Variants in HECW1 observed in about 807,000 individuals in gnomAD.
The protein encoded by HECW1 is HECT, C2 and WW domain containing E3 ubiquitin protein ligase 1.
Under a neutral mutation model 182.3 loss-of-function variants are expected in HECW1, and 61 were observed. The observed-to-expected ratio is 0.33, with a 90% CI of 0.27 to 0.41. The LOEUF (loss-of-function observed/expected upper bound fraction) is 0.41. Among genes scored for constraint, HECW1 ranks in the 10% least tolerant of loss-of-function variants. The pLI, the probability that HECW1 is intolerant of heterozygous loss-of-function variation, is 1.00. For missense variants in HECW1, 1,739 were observed against 2,108.9 expected, an observed-to-expected ratio of 0.82 and a Z score of 3.44; for synonymous variants, 859 against 832.6, an observed-to-expected ratio of 1.03 and a Z score of -0.55.
intron 16 of HECW1, among the ~76,000 whole-genome samples, chr7:43,475,261 C>A (rs1389956134): frequency 6.6e-6 from 1 of 152,122 alleles, no homozygotes; most frequent in Non-Finnish European, 1.5e-5. Context: ...AGAATATAGC[C>A]AGGTCACATC....
At chr7:43,501,845 A>G (rs967476658) in intron 21 of HECW1, among the ~76,000 whole-genome samples, 1 of 151,908 alleles carries the variant, frequency 6.6e-6, no homozygotes, top group Non-Finnish European at 1.5e-5. Context: ...AAAATAAAAA[A>G]GAAAGAAAGA....
intron 2 of HECW1, among the ~76,000 whole-genome samples, chr7:43,201,635 T>C (rs1486277544): frequency 6.6e-6 from 1 of 152,192 alleles, no homozygotes; most frequent in Non-Finnish European, 1.5e-5. Flanking sequence ...CAATTCCACT[T>C]TCCAAGTCTT....
intron 3 of HECW1, among the ~76,000 whole-genome samples, chr7:43,285,271 C>T (rs1255007727): frequency 2.6e-5 from 4 of 152,108 alleles, no homozygotes; most frequent in Admixed American, 6.5e-5. Context: ...TCTGAAAAAC[C>T]GTGATACTCA....
chr7:43,464,294 C>T (rs1305268760), intron 14 of HECW1, among the ~76,000 whole-genome samples: 5 of 152,136 alleles, frequency 3.3e-5, no homozygotes, highest in Non-Finnish European at 7.4e-5. Flanking sequence ...TAGGAATAAT[C>T]ACTTGTTTGT....
intron 24 of HECW1, among the ~76,000 whole-genome samples, chr7:43,537,833 C>T (rs1488830124): frequency 3.9e-5 from 6 of 152,108 alleles, no homozygotes; most frequent in Admixed American, 2.6e-4. Context: ...CATGTCAGTC[C>T]GAGAAACCAG....
intron 5 of HECW1, among the ~76,000 whole-genome samples, chr7:43,327,349 C>A (rs1018151156): frequency 1.3e-5 from 2 of 152,194 alleles, no homozygotes; most frequent in South Asian, 2.1e-4. Flanking sequence ...AGACTCCCCC[C>A]ACCGCTGCCC....
intron 29 of HECW1, among the ~76,000 whole-genome samples, chr7:43,560,514 G>A (rs2082174971): frequency 6.6e-6 from 1 of 152,006 alleles, no homozygotes; most frequent in East Asian, 1.9e-4. Flanking sequence ...GAGGAGGAAT[G>A]GGTGCTGGGC....
intron 2 of HECW1, among the ~76,000 whole-genome samples, chr7:43,215,678 CA>C (rs1346942179): frequency 2.0e-5 from 3 of 152,164 alleles, no homozygotes; most frequent in Admixed American, 1.3e-4. Flanking sequence ...CTTGTATAAT[CA>C]ATTTTTGGTA....
intron 3 of HECW1, among the ~76,000 whole-genome samples, chr7:43,262,247 CGT>C (rs10695541): frequency 1.0e-4 from 15 of 149,488 alleles, no homozygotes; most frequent in South Asian, 2.1e-4. Flanking sequence ...TGTATGTGTG[CGT>C]GTGTGTGTGT....
chr7:43,303,342 C>G (rs1435864351), intron 3 of HECW1, among the ~76,000 whole-genome samples: 1 of 130,472 alleles, frequency 7.7e-6, no homozygotes, highest in Non-Finnish European at 1.6e-5. Flanking sequence ...CACCCCCCGC[C>G]CCCCAACACC....
chr7:43,493,018 C>T (rs949448676), intron 18 of HECW1, 66 bp from the exon 19 acceptor site: 2 of 1,073,592 alleles, frequency 1.9e-6, no homozygotes, highest in South Asian at 1.5e-5. Context: ...CAGCCATTTT[C>T]CAATCATCAG....
chr7:43,203,491 G>T (rs1476407035), intron 2 of HECW1, among the ~76,000 whole-genome samples: 1 of 151,844 alleles, frequency 6.6e-6, no homozygotes, highest in African/African-American at 2.4e-5. Flanking sequence ...CTTGCTTGTT[G>T]CCCAGGCTGG....
At chr7:43,396,793 C>G in intron 6 of HECW1, 21 bp from the exon 7 acceptor site, 1 of 1,562,462 alleles carries the variant, frequency 6.4e-7, no homozygotes, top group South Asian at 1.1e-5. Flanking sequence ...TGTTTGTCTC[C>G]CATTTTCCTT....
rs756356851 is a variant in HECW1 at position 43,445,376 on chromosome 7, C to T, written c.2204C>T (p.Ser735Leu). 2 of 1,613,714 alleles carry T rather than the reference C, an allele frequency of 1.2e-6. No homozygotes were observed. Among genetic ancestry groups the T allele is most frequent in the Admixed American group, 3.3e-5 (2 of 60,026 alleles). Residue 735 changes from serine to leucine, a missense_variant, in exon 11 of 30, where the codon TCG (serine) becomes TTG (leucine). Transcript: ENST00000395891. ...ATCTCCGAGAGCACGGTCTTCTCCT[C>T]GCAAGACGACGAGGAGGAGGAGAAC... is the stretch of plus-strand genomic sequence containing the variant. ...AKISESTVFS[S>L]QDDEEEENSA...
chr7:43,446,900 T>A (rs2077075794), intron 11 of HECW1, among the ~76,000 whole-genome samples: 1 of 152,172 alleles, frequency 6.6e-6, no homozygotes, highest in South Asian at 2.1e-4. Flanking sequence ...AGGACTTCCT[T>A]TATTCTAGGC....
intron 1 of HECW1, chr7:43,113,673 G>C (rs79929953): frequency 0.014 from 1,363 of 94,148 alleles, 13 homozygotes; most frequent in African/African-American, 0.049. Context: ...GGGCGGGGAG[G>C]GGGGGGGAAT....
At chr7:43,350,928 G>A (rs1014948216) in intron 5 of HECW1, among the ~76,000 whole-genome samples, 5 of 152,292 alleles carry the variant, frequency 3.3e-5, no homozygotes, top group Non-Finnish European at 5.9e-5. Context: ...TTTTTGGGAG[G>A]CATTGACAAG....
intron 5 of HECW1, among the ~76,000 whole-genome samples, chr7:43,354,462 T>C (rs994807691): frequency 7.2e-5 from 11 of 152,116 alleles, no homozygotes; most frequent in African/African-American, 2.7e-4. Context: ...ACAAAGAGAT[T>C]GAAATAATTT....
chr7:43,129,082 G>A (rs1191784153), intron 2 of HECW1, among the ~76,000 whole-genome samples: 6 of 152,202 alleles, frequency 3.9e-5, no homozygotes, highest in East Asian at 1.9e-4. Flanking sequence ...AAATGACAAC[G>A]AAGGATTTAG....
Sources: allele counts gnomAD v4.1 joint callset (sites outside exome capture counted in the v4.1 genomes callset), GRCh38; gene constraint gnomAD v4.1.1; transcripts MANE v1.5; gene names NCBI Gene and HGNC (gene_info 2026-07-23, HGNC 2026-07-21).